CD109: variants seen among roughly 807,000 people sequenced by gnomAD.
CD109 encodes the protein CD109 antigen.
A neutral mutation model predicts 165.8 loss-of-function variants in CD109; 149 were observed. The observed-to-expected ratio is 0.90, with a 90% CI of 0.79 to 1.03. CD109 has a LOEUF of 1.03. Among genes scored for constraint, CD109 ranks in the 50% least tolerant of loss-of-function variants. The probability of loss-of-function intolerance (pLI) is 0.00; values close to 1 mark genes in which losing one functional copy is unlikely to be tolerated. For missense variants in CD109, 1,712 were observed against 1,677.8 expected (o/e 1.02, Z -0.36); for synonymous variants, 585 against 592.1 (o/e 0.99, Z 0.18).
At chr6:73,741,099 A>C (rs1582087780) in intron 5 of CD109, among the ~76,000 whole-genome samples, 2 of 149,830 alleles carry the variant, frequency 1.3e-5, no homozygotes, top group Non-Finnish European at 1.5e-5. Flanking sequence ...ATATACATAG[A>C]CTTTTTTTTT....
At chr6:73,784,023 A>G (rs1774600731) in intron 19 of CD109, among the ~76,000 whole-genome samples, 199 bp downstream of exon 19, 1 of 152,200 alleles carries the variant, frequency 6.6e-6, no homozygotes, top group Non-Finnish European at 1.5e-5. Context: ...CTAAATGTGC[A>G]AAGTCCGTAT....
chr6:73,780,910 A>ATGTG (rs1042271249), intron 16 of CD109, among the ~76,000 whole-genome samples: 1 of 123,518 alleles, frequency 8.1e-6, no homozygotes, highest in Admixed American at 8.6e-5. Context: ...GTGTGTGTGT[A>ATGTG]TGTGTGTGTG....
chr6:73,683,258 C>T, the CD109 span, among the ~76,000 whole-genome samples: 2 of 152,312 alleles, frequency 1.3e-5, no homozygotes, highest in South Asian at 2.1e-4. Context: ...TGCTTTGCTG[C>T]TTAGAAATTT....
chr6:73,719,711 T>C (rs191396192), intron 2 of CD109, among the ~76,000 whole-genome samples: 24 of 152,282 alleles, frequency 1.6e-4, no homozygotes, highest in Admixed American at 2.6e-4. Flanking sequence ...CACCCCCGTA[T>C]TGCAATGTTT....
intron 3 of CD109, among the ~76,000 whole-genome samples, chr6:73,727,170 C>G (rs184219088): frequency 6.6e-6 from 1 of 152,150 alleles, no homozygotes; most frequent in East Asian, 1.9e-4. Flanking sequence ...ATAAAAATTG[C>G]TTAAAGTCAA....
chr6:73,735,898 A>C (rs534766145), intron 4 of CD109, among the ~76,000 whole-genome samples: 1 of 152,148 alleles, frequency 6.6e-6, no homozygotes. Context: ...GGGGCCTGTT[A>C]TCTCTACAGT....
chr6:73,706,969 C>G (rs1180379960), intron 2 of CD109, among the ~76,000 whole-genome samples: 2 of 152,204 alleles, frequency 1.3e-5, no homozygotes, highest in Non-Finnish European at 2.9e-5. Flanking sequence ...CTGAGCAATT[C>G]AAATTTATTC....
chr6:73,806,477 G>A lies in CD109; in HGVS notation c.2961-367G>A, dbSNP rs558745199. Among the ~76,000 whole-genome samples the A allele has an allele frequency of 1.7e-3, 256 of 152,086 alleles. 1 individual carries two copies. The highest frequency in any genetic ancestry group is 0.014 in the Middle Eastern group (4 of 294). ...GTACACATATGTAACAAACCTGCAC[G>A]TTGTGCACATGTACCCTAGAACTTA... On this transcript the variant is annotated intron_variant, in intron 24 of 32. Coordinates refer to ENST00000287097, the MANE Select transcript of CD109 (RefSeq NM_133493.5).
intron 24 of CD109, 39 bp from the exon 25 acceptor site, chr6:73,806,805 A>G (rs1775581557): frequency 6.8e-7 from 1 of 1,478,938 alleles, no homozygotes; most frequent in South Asian, 1.2e-5. Flanking sequence ...TGGACCTTAT[A>G]AAGTGTATTT....
upstream of CD109, among the ~76,000 whole-genome samples, chr6:73,692,091 C>T (rs1021884906): frequency 2.0e-5 from 3 of 152,072 alleles, no homozygotes; most frequent in Non-Finnish European, 4.4e-5. Context: ...CATGAAGATT[C>T]ACTATCGCAA....
chr6:73,807,099 A>C, intron 25 of CD109, 27 bp downstream of exon 25: 1 of 1,548,892 alleles, frequency 6.5e-7, no homozygotes, highest in Non-Finnish European at 8.9e-7. Context: ...TTAATAAATG[A>C]TAGATGGGAA....
chr6:73,754,741 CA>C (rs1261620927), intron 5 of CD109, among the ~76,000 whole-genome samples: 1 of 152,086 alleles, frequency 6.6e-6, no homozygotes, highest in African/African-American at 2.4e-5. Flanking sequence ...TAAAAATGAT[CA>C]AAAAGTGAAG....
chr6:73,696,888 A>G (rs1408581104), intron 1 of CD109, among the ~76,000 whole-genome samples: 2 of 152,154 alleles, frequency 1.3e-5, no homozygotes, highest in African/African-American at 4.8e-5. Context: ...TTTATTTTCA[A>G]ATGGTATATT....
At chr6:73,744,154 A>G (rs1249401615) in intron 5 of CD109, among the ~76,000 whole-genome samples, 1 of 152,182 alleles carries the variant, frequency 6.6e-6, no homozygotes, top group African/African-American at 2.4e-5. Context: ...TCCAGAACCT[A>G]TTATTATCTT....
At chr6:73,756,906 A>G (rs573269020) in intron 6 of CD109, among the ~76,000 whole-genome samples, 1 of 152,220 alleles carries the variant, frequency 6.6e-6, no homozygotes, top group Non-Finnish European at 1.5e-5. Flanking sequence ...GCATTGTGCT[A>G]GTCTTTTTCT....
chr6:73,812,307 A>G, intron 29 of CD109, 37 bp downstream of exon 29: 1 of 1,301,368 alleles, frequency 7.7e-7, no homozygotes, highest in African/African-American at 1.5e-5. Flanking sequence ...GTTAAATATG[A>G]CTTTTTATAA....
intron 5 of CD109, among the ~76,000 whole-genome samples, chr6:73,739,245 A>G (rs1772663377): frequency 6.6e-6 from 1 of 152,176 alleles, no homozygotes; most frequent in Admixed American, 6.5e-5. Flanking sequence ...TGAGGCATTC[A>G]GCTAAGAAAA....
chr6:73,682,134 C>T, the CD109 span, among the ~76,000 whole-genome samples: 1 of 152,146 alleles, frequency 6.6e-6, no homozygotes, highest in Non-Finnish European at 1.5e-5. Flanking sequence ...CAACAGTCCC[C>T]TAAAGTCTTA....
In CD109 at chr6:73,771,418, C is replaced by T. The variant is rs1245157418; in HGVS notation, c.1675-11C>T. On this transcript the variant is annotated splice_polypyrimidine_tract_variant and intron_variant, in intron 14 of 32. Transcript: ENST00000287097. Reference sequence around the variant, plus strand: ...GTGAAATAAGTTAATCCTCCTTTCTCTCTTTTTTAGATAAAGCTATATTGG... The same window carrying T: ...GTGAAATAAGTTAATCCTCCTTTCTTTCTTTTTTAGATAAAGCTATATTGG... The T allele has an allele frequency of 3.8e-6, 6 of 1,595,874 alleles. No homozygotes were observed. Among genetic ancestry groups the T allele is most frequent in the Admixed American group, 1.8e-5 (1 of 55,670 alleles).
Sources: gnomAD v4.1 joint callset for allele counts (sites outside exome capture counted in the v4.1 genomes callset) on GRCh38, gnomAD v4.1.1 for gene constraint, MANE v1.5 for transcripts, NCBI Gene and HGNC (gene_info 2026-07-23, HGNC 2026-07-21) for gene names.